The following ASB2 variants were observed in gnomAD, a reference collection of about 807,000 sequenced individuals.
ASB2 encodes ankyrin repeat and SOCS box containing 2, also known as ankyrin repeat and SOCS box protein 2.
In ASB2, 58 loss-of-function variants were observed where a neutral mutation model predicts 62.4. The ratio of observed to expected loss-of-function variants is 0.93; its 90% CI spans 0.75 to 1.16. The LOEUF (loss-of-function observed/expected upper bound fraction) is 1.16, where lower values mean the gene tolerates loss of function less well. ASB2 is among the 50% of genes most tolerant of loss of function. The pLI, the probability that ASB2 is intolerant of heterozygous loss-of-function variation, is 0.00. For synonymous variants in ASB2, 386 were observed against 385.3 expected (o/e 1.00, Z -0.02); for missense variants, 928 against 887.9 (o/e 1.05, Z -0.57).
intron 7 of ASB2, chr14:93,941,541 CT>C (rs1888521919): frequency 2.4e-6 from 1 of 410,864 alleles, no homozygotes; most frequent in African/African-American, 2.1e-5. Flanking sequence ...GGCTAATTGC[CT>C]CCTAATTTCT....
At chr14:93,944,135 C>T (rs772350051) in intron 7 of ASB2, 55 of 386,182 alleles carry the variant, frequency 1.4e-4, no homozygotes, top group Middle Eastern at 6.2e-4. Flanking sequence ...CCAGCGGCAG[C>T]GCCATCTCGT....
At position 93,939,166 on chromosome 14, in the gene ASB2, T is replaced by C. The variant is rs1595300146; in HGVS notation, c.1559A>G (p.Gln520Arg). The C allele has an allele frequency of 1.3e-6, 2 of 1,591,656 alleles. No homozygotes were observed. The change falls in exon 8 of 10, where the codon CAG becomes CGG. Residue 520 changes from glutamine to arginine, a missense_variant. By Grantham distance (43) the Gln-to-Arg change is conservative. Transcript: ENST00000555019. ...CGCGTCGTTGAACCTGCTGGAGGGCTGCGGGGCCGGCGGGTGCGGGCCGTT... is the reference window on the plus strand; with the variant it reads ...CGCGTCGTTGAACCTGCTGGAGGGCCGCGGGGCCGGCGGGTGCGGGCCGTT... ...YGNGPHPPAP[Q>R]PSSRFNDAPA... is the part of the protein sequence containing the mutation.
chr14:93,945,486 A>G (rs1238495039), intron 7 of ASB2, among the ~76,000 whole-genome samples: 1 of 152,190 alleles, frequency 6.6e-6, no homozygotes, highest in African/African-American at 2.4e-5. Context: ...TCCATTCTAT[A>G]TCCGTACGTA....
At chr14:93,962,645 G>A (rs1463429265) in intron 2 of ASB2, among the ~76,000 whole-genome samples, 1 of 152,208 alleles carries the variant, frequency 6.6e-6, no homozygotes, top group Non-Finnish European at 1.5e-5. Flanking sequence ...TCCAGATGAA[G>A]GCAGAGTCAG....
chr14:93,946,399 G>A (rs1303837169), intron 7 of ASB2, among the ~76,000 whole-genome samples: 3 of 152,370 alleles, frequency 2.0e-5, no homozygotes, highest in East Asian at 1.9e-4. Context: ...CCATGTAGCA[G>A]TGCTGCTGGG....
rs1381060932 is a variant in ASB2 at position 93,972,363 on chromosome 14, C to T, written c.-74+4071G>A. On this transcript the variant is annotated intron_variant, in intron 1 of 9. Transcript: ENST00000555019. The stretch of plus-strand genomic sequence containing the variant: ...AGCTGGAGTGCTCGGAGGTGTAGGA[C>T]ATTGTTCTCTTCCCTTCCCGGGTCC... Among the ~76,000 whole-genome samples the T allele has an allele frequency of 2.6e-5, 4 of 152,114 alleles. No homozygotes were observed. The East Asian group carries it at 5.8e-4, about 22-fold the overall frequency.
In ASB2 at chr14:93,973,122, G is replaced by T. The variant is rs1889808321; in HGVS notation, c.-74+3312C>A. On this transcript the variant is annotated intron_variant, in intron 1 of 9. Transcript: ENST00000555019. ...TCCACAAGACAGGGCTCTTCTCTTT[G>T]TATGGAGTAGGGGTGTGACTGCCCC... Among the ~76,000 whole-genome samples the T allele has an allele frequency of 2.0e-5, 3 of 152,174 alleles. No homozygotes were observed. The South Asian group carries it at 6.2e-4, about 31-fold the overall frequency.
In ASB2 at chr14:93,954,298, G is replaced by T; in HGVS notation, c.478+19C>A. ...AGTCCCTTTCCCACCTCTTGCCACC[G>T]TCAGAGCCCAGCCCTCACCTCGCTG... On this transcript the variant is annotated intron_variant, in intron 4 of 9. Coordinates refer to ENST00000555019, the MANE Select transcript of ASB2 (RefSeq NM_001202429.2). 1 of 1,607,344 alleles carries T rather than the reference G, an allele frequency of 6.2e-7. No individual in the cohort carries two copies. Among genetic ancestry groups the T allele is most frequent in the Non-Finnish European group, 8.5e-7 (1 of 1,176,408 alleles).
intron 9 of ASB2, among the ~76,000 whole-genome samples, chr14:93,935,749 A>G (rs1312024595): frequency 1.3e-5 from 2 of 152,156 alleles, no homozygotes; most frequent in African/African-American, 2.4e-5. Flanking sequence ...AAGCATTCAC[A>G]CACCCATCAC....
chr14:93,958,249 T>A (rs151207586), intron 2 of ASB2, among the ~76,000 whole-genome samples: 1 of 152,246 alleles, frequency 6.6e-6, no homozygotes, highest in Non-Finnish European at 1.5e-5. Context: ...CGCCTGCATG[T>A]GTCCTCATTT....
At chr14:93,952,577 G>A (rs1219525418) in intron 5 of ASB2, among the ~76,000 whole-genome samples, 2 of 152,246 alleles carry the variant, frequency 1.3e-5, no homozygotes, top group Non-Finnish European at 2.9e-5. Flanking sequence ...GGATGCTTTA[G>A]AATGTAGTAG....
At chr14:93,956,639 G>A (rs2141301317) in intron 3 of ASB2, 127 bp downstream of exon 3, 3 of 1,279,474 alleles carry the variant, frequency 2.3e-6, no homozygotes, top group East Asian at 2.4e-5. Context: ...GAAGGAGCGT[G>A]CCTGGCAGGT....
At chr14:93,945,071 C>T (rs1452963115) in intron 7 of ASB2, among the ~76,000 whole-genome samples, 1 of 152,224 alleles carries the variant, frequency 6.6e-6, no homozygotes, top group Non-Finnish European at 1.5e-5. Flanking sequence ...ATCTGATTTG[C>T]TCAGGGAGCT....
intron 7 of ASB2, among the ~76,000 whole-genome samples, chr14:93,946,931 T>C (rs1247652374): frequency 6.6e-6 from 1 of 152,250 alleles, no homozygotes; most frequent in Non-Finnish European, 1.5e-5. Flanking sequence ...ATAGAATTCC[T>C]GTAGCTGTGA....
intron 6 of ASB2, among the ~76,000 whole-genome samples, chr14:93,947,961 T>C (rs1166316441): frequency 1.7e-5 from 2 of 116,068 alleles, no homozygotes; most frequent in Admixed American, 2.4e-4. Flanking sequence ...ACCATTGCAC[T>C]CCAGCCTGGG....
rs754770459 is a variant in ASB2 at position 93,934,244 on chromosome 14, C to G, written c.*412G>C. On this transcript the variant is annotated 3_prime_UTR_variant, in exon 10 of 10. Coordinates refer to ENST00000555019, the MANE Select transcript of ASB2 (RefSeq NM_001202429.2). ...GGCTCCCCCTACCCCCTACCTTGGG[C>G]CACGTCTTCATCTTAGTCTTTGGAG... The G allele has an allele frequency of 2.6e-5, 12 of 457,466 alleles. No individual in the cohort carries two copies. Among genetic ancestry groups the G allele is most frequent in the South Asian group, 1.7e-4 (11 of 64,460 alleles). 28.3% of individuals were successfully genotyped at this position (457,466 alleles called of 1,614,324 possible).
At chr14:93,962,307 G>T (rs111389571) in intron 2 of ASB2, among the ~76,000 whole-genome samples, 4,787 of 151,784 alleles carry the variant, frequency 0.032, 259 homozygotes, top group African/African-American at 0.11. Context: ...GTAGAGACGG[G>T]GTTTCACCGT....
Position 93,934,719 on chromosome 14 carries a change from G to A in ASB2, c.1845C>T (p.Leu615=), listed in dbSNP as rs1157382070. 1.2e-6 allele frequency: 2 copies of A among 1,614,004 alleles called. No homozygotes were observed. The highest frequency in any genetic ancestry group is 8.5e-7 in the Non-Finnish European group (1 of 1,179,942). ...RKAIGKYRIK[L]LDTLPLPGRL... is the part of the protein sequence containing the mutation. ...TGCCTGGGAGCGGCAAGGTGTCTAGGAGTTTTATACGGTATTTCCCAATGG... is the reference window on the plus strand; with the variant it reads ...TGCCTGGGAGCGGCAAGGTGTCTAGAAGTTTTATACGGTATTTCCCAATGG... Residue 615 remains leucine (L), a synonymous_variant, in exon 10 of 10, where the codon CTC becomes CTT. Coordinates refer to ENST00000555019, the MANE Select transcript of ASB2 (RefSeq NM_001202429.2).
rs148241421 is a variant in ASB2 at position 93,947,441 on chromosome 14, C to T, written c.960G>A (p.Val320=). ...EACKNEHEEV[V]EFLLSQGADA... The stretch of plus-strand genomic sequence containing the variant: ...CGGCACCCTGTGACAGCAGAAACTC[C>T]ACCACCTCCTCATGCTCATTCTTGC... Residue 320 remains valine (V), a synonymous_variant, in exon 7 of 10, where the codon GTG becomes GTA. Transcript: ENST00000555019. 9.9e-6 allele frequency: 16 copies of T among 1,614,124 alleles called. No homozygotes were observed. In the African/African-American group the frequency reaches 1.7e-4, roughly 17 times the overall value.
Sources: allele counts gnomAD v4.1 joint callset (sites outside exome capture counted in the v4.1 genomes callset), GRCh38; gene constraint gnomAD v4.1.1; transcripts MANE v1.5; gene names NCBI Gene and HGNC (gene_info 2026-07-23, HGNC 2026-07-21).